The following ARHGEF7 variants were observed in gnomAD, a reference collection of about 807,000 sequenced individuals.
The protein encoded by ARHGEF7 is PAK-interacting exchange factor beta.
A neutral mutation model predicts 109.8 loss-of-function variants in ARHGEF7; 33 were observed. The ratio of observed to expected loss-of-function variants is 0.30; its 90% CI spans 0.23 to 0.40. The LOEUF is 0.40. Ranked by LOEUF, ARHGEF7 falls within the 10% of genes least tolerant of loss-of-function variation. ARHGEF7 has a pLI of 1.00. For missense variants in ARHGEF7, 938 were observed against 1,098.5 expected, an observed-to-expected ratio of 0.85 and a Z score of 2.07; for synonymous variants, 458 against 424.6, an observed-to-expected ratio of 1.08 and a Z score of -0.97.
At chr13:111,172,201 T>C (rs1358496793) in intron 2 of ARHGEF7, among the ~76,000 whole-genome samples, 2 of 152,180 alleles carry the variant, frequency 1.3e-5, no homozygotes, top group African/African-American at 2.4e-5. Flanking sequence ...AATTCAGTTC[T>C]TTAAATGGAA....
At chr13:111,252,130 C>G (rs1391271029) in intron 8 of ARHGEF7, among the ~76,000 whole-genome samples, 1 of 152,180 alleles carries the variant, frequency 6.6e-6, no homozygotes, top group African/African-American at 2.4e-5. Context: ...CCATAGAAAG[C>G]ACTAGTTAAG....
rs144012657 is a variant in ARHGEF7, at chr13:111,236,054, A to G, written c.759+2761A>G. Reference sequence around the variant, plus strand: ...TGGGATGGATATGTGTTTTCCTGCTATTGTATAATAGTTAAGATGAACACC... The same window carrying G: ...TGGGATGGATATGTGTTTTCCTGCTGTTGTATAATAGTTAAGATGAACACC... On this transcript the variant is annotated intron_variant, in intron 6 of 21. Transcript: ENST00000646102. Among the ~76,000 whole-genome samples, 89 of 152,316 alleles carry G rather than the reference A, an allele frequency of 5.8e-4. 2 individuals are homozygous for G. Among genetic ancestry groups the G allele is most frequent in the African/African-American group, 1.9e-3 (78 of 41,570 alleles).
intron 5 of ARHGEF7, among the ~76,000 whole-genome samples, chr13:111,230,775 G>GA (rs1455477960): frequency 2.6e-5 from 4 of 152,234 alleles, no homozygotes; most frequent in Admixed American, 2.0e-4. Flanking sequence ...ACGTGATCTT[G>GA]ACACCTTCCA....
At chr13:111,175,614 C>G (rs943394766) in intron 2 of ARHGEF7, among the ~76,000 whole-genome samples, 8 of 152,278 alleles carry the variant, frequency 5.3e-5, no homozygotes, top group African/African-American at 1.9e-4. Flanking sequence ...GCTGCTGGCT[C>G]CTCACTGGGC....
intron 2 of ARHGEF7, among the ~76,000 whole-genome samples, chr13:111,185,984 G>GTGTT (rs1269504518): frequency 6.6e-6 from 1 of 151,606 alleles, no homozygotes; most frequent in Admixed American, 6.6e-5. Context: ...GTGTGTGTGT[G>GTGTT]TGTGTGTGTG....
chr13:111,116,001 C>T (rs1274623344), intron 1 of ARHGEF7, among the ~76,000 whole-genome samples: 2 of 151,924 alleles, frequency 1.3e-5, no homozygotes, highest in Non-Finnish European at 2.9e-5. Context: ...GCTAAGTTGC[C>T]CCTCCGCGTG....
chr13:111,292,515 G>A (rs927921785), intron 19 of ARHGEF7: 1 of 1,425,786 alleles, frequency 7.0e-7, no homozygotes, highest in Non-Finnish European at 9.1e-7. Flanking sequence ...TCGAATGACT[G>A]ACTATTGGAG....
rs866011740 is a variant in ARHGEF7, at chr13:111,294,419, G to A, written c.2311+2125G>A. The A allele has an allele frequency of 1.3e-5, 13 of 985,290 alleles. 1 individual carries two copies. In the African/African-American group the frequency reaches 1.6e-4, roughly 12 times the overall value. 61.0% of individuals were successfully genotyped at this position (985,290 alleles called of 1,614,324 possible). A position where few individuals can be genotyped will look rare whatever the true frequency, so the allele number is the denominator to read the frequency against. ...CACTTGGATTTTCCTTTAATACCAA[G>A]TATCATTTGGTTATCTTACTGGGAC... On this transcript the variant is annotated intron_variant, in intron 19 of 21. Coordinates refer to ENST00000646102, the MANE Select transcript of ARHGEF7 (RefSeq NM_001354046.2).
chr13:111,302,993 C>A lies in ARHGEF7; in HGVS notation c.2469C>A (p.Asp823Glu). ...CCTGTGGTCTGCTTAATTTACAGGA[C>A]AACAAAAAGATGAAGAAATCTCTAG... Reference protein sequence around the residue: ...LKDEVQELRQDNKKMKKSLEE... With the variant: ...LKDEVQELRQENKKMKKSLEE... The change falls in exon 22 of 22, where the codon GAC (aspartate) becomes GAA (glutamate). Residue 823 changes from aspartate to glutamate, a missense_variant and splice_region_variant. Asp to Glu is a conservative substitution (Grantham distance 45, BLOSUM62 2). Transcript: ENST00000646102. 6.2e-7 allele frequency: 1 copy of A among 1,614,004 alleles called. No homozygotes were observed. Among genetic ancestry groups the A allele is most frequent in the Non-Finnish European group, 8.5e-7 (1 of 1,179,958 alleles).
intron 1 of ARHGEF7, among the ~76,000 whole-genome samples, chr13:111,138,337 C>T (rs34109562): frequency 0.099 from 14,983 of 151,946 alleles, 798 homozygotes; most frequent in Non-Finnish European, 0.13. Flanking sequence ...AAAAATTAGC[C>T]GGGTGTGGTG....
intron 2 of ARHGEF7, among the ~76,000 whole-genome samples, chr13:111,154,538 C>T (rs914156911): frequency 6.6e-6 from 1 of 152,064 alleles, no homozygotes; most frequent in Admixed American, 6.5e-5. Flanking sequence ...TTTTCCGTAC[C>T]CTCAACACTT....
chr13:111,124,344 C>T (rs2067415726), intron 1 of ARHGEF7, among the ~76,000 whole-genome samples: 2 of 152,228 alleles, frequency 1.3e-5, no homozygotes, highest in Non-Finnish European at 2.9e-5. Context: ...CAGGTCTCGC[C>T]ATGGGGCAGC....
chr13:111,221,532 T>TAG (rs1566876331), intron 5 of ARHGEF7, among the ~76,000 whole-genome samples: 19 of 36,668 alleles, frequency 5.2e-4, no homozygotes, highest in Non-Finnish European at 7.6e-4. Context: ...TCTATATATA[T>TAG]CTATATATAG....
chr13:111,174,480 C>T (rs2077923996), intron 2 of ARHGEF7, among the ~76,000 whole-genome samples: 1 of 152,172 alleles, frequency 6.6e-6, no homozygotes, highest in African/African-American at 2.4e-5. Context: ...TGTCTGTCTC[C>T]CTTTCTTGCT....
At chr13:111,196,290 C>G (rs1205321050) in intron 2 of ARHGEF7, among the ~76,000 whole-genome samples, 1 of 152,190 alleles carries the variant, frequency 6.6e-6, no homozygotes, top group Non-Finnish European at 1.5e-5. Flanking sequence ...ATACTGGGGA[C>G]GACTTGCTGA....
intron 8 of ARHGEF7, among the ~76,000 whole-genome samples, chr13:111,244,750 G>GT (rs1284017642): frequency 3.3e-5 from 5 of 152,236 alleles, no homozygotes; most frequent in Non-Finnish European, 7.3e-5. Context: ...TGGTGCAAAA[G>GT]TAATTGTGGT....
intron 5 of ARHGEF7, among the ~76,000 whole-genome samples, chr13:111,227,680 C>G (rs998467427): frequency 1.3e-5 from 2 of 152,200 alleles, no homozygotes; most frequent in Non-Finnish European, 2.9e-5. Context: ...CTGTGTACCC[C>G]GTTTGACTTA....
intron 16 of ARHGEF7, among the ~76,000 whole-genome samples, chr13:111,284,011 A>G (rs1320966683): frequency 2.0e-5 from 3 of 152,202 alleles, no homozygotes; most frequent in African/African-American, 7.2e-5. Context: ...GGATGAGGAA[A>G]GGAAGTGTCT....
chr13:111,226,197 G>A (rs2085189402), intron 5 of ARHGEF7, among the ~76,000 whole-genome samples: 1 of 152,236 alleles, frequency 6.6e-6, no homozygotes, highest in African/African-American at 2.4e-5. Flanking sequence ...AAGACTGAGA[G>A]GTGAGGAAGC....
Sources: gnomAD v4.1 joint callset for allele counts (sites outside exome capture counted in the v4.1 genomes callset) on GRCh38, gnomAD v4.1.1 for gene constraint, MANE v1.5 for transcripts, NCBI Gene and HGNC (gene_info 2026-07-23, HGNC 2026-07-21) for gene names.